The following LRP1B variants were observed in gnomAD, a reference collection of about 807,000 sequenced individuals.
LRP1B encodes LDL receptor related protein 1B.
In LRP1B, 217 loss-of-function variants were observed where a neutral mutation model predicts 556.6. The ratio of observed to expected loss-of-function variants is 0.39; its 90% CI spans 0.35 to 0.44. The LOEUF (loss-of-function observed/expected upper bound fraction) is 0.44. Among genes scored for constraint, LRP1B ranks in the 20% least tolerant of loss-of-function variants. The pLI, the probability that LRP1B is intolerant of heterozygous loss-of-function variation, is 1.00. For synonymous variants in LRP1B, 2,047 were observed against 1,865.8 expected (o/e 1.10, Z -2.50); for missense variants, 5,053 against 5,620.8 (o/e 0.90, Z 3.23).
In LRP1B at chr2:140,786,931, C is replaced by T. The variant is rs940852456; in HGVS notation, c.5360-10693G>A. Among the ~76,000 whole-genome samples the T allele has an allele frequency of 2.0e-5, 3 of 152,070 alleles. No homozygotes were observed. The East Asian group carries it at 5.8e-4, about 29-fold the overall frequency. On this transcript the variant is annotated intron_variant, in intron 32 of 90. Transcript: ENST00000389484. The stretch of plus-strand genomic sequence containing the variant: ...GAGGAGTTAGCTGACAGAAACAAGG[C>T]AGCTCTGAATGACTGCTTGCTGGGA...
chr2:140,983,288 G>T (rs897458296), intron 17 of LRP1B, among the ~76,000 whole-genome samples: 2 of 151,980 alleles, frequency 1.3e-5, no homozygotes, highest in African/African-American at 2.4e-5. Context: ...ATTGGGAAAG[G>T]GATACTCAGT....
At chr2:140,526,416 G>A in intron 47 of LRP1B, 66 bp from the exon 48 acceptor site, 2 of 1,001,318 alleles carry the variant, frequency 2.0e-6, no homozygotes, top group Non-Finnish European at 3.1e-6. Context: ...TTTACATTTT[G>A]AATATTTCAA....
intron 8 of LRP1B, among the ~76,000 whole-genome samples, chr2:141,061,314 T>C (rs981027551): frequency 1.3e-5 from 2 of 151,786 alleles, no homozygotes; most frequent in East Asian, 1.9e-4. Context: ...CTGTCTTGCA[T>C]TGCAAAAGAA....
chr2:141,499,080 C>G (rs1041732874), intron 2 of LRP1B, among the ~76,000 whole-genome samples: 2 of 152,044 alleles, frequency 1.3e-5, no homozygotes, highest in Non-Finnish European at 2.9e-5. Context: ...AGAAGAAAGG[C>G]CTTCCCTTGT....
intron 2 of LRP1B, among the ~76,000 whole-genome samples, chr2:141,563,554 A>C (rs1686234809): frequency 6.6e-6 from 1 of 152,020 alleles, no homozygotes; most frequent in Non-Finnish European, 1.5e-5. Flanking sequence ...TGACATTTTA[A>C]AATGCAAAAG....
At chr2:141,975,276 C>T (rs1198344513) in intron 1 of LRP1B, among the ~76,000 whole-genome samples, 1 of 152,008 alleles carries the variant, frequency 6.6e-6, no homozygotes, top group East Asian at 1.9e-4. Context: ...TGTAATTTGC[C>T]TTCTAAAGGA....
chr2:140,674,640 T>C (rs1685607309), intron 41 of LRP1B, among the ~76,000 whole-genome samples: 1 of 152,226 alleles, frequency 6.6e-6, no homozygotes, highest in Non-Finnish European at 1.5e-5. Flanking sequence ...TGTTGATTGA[T>C]GTCTTATGTC....
At chr2:140,302,690 T>A (rs1407513961) in intron 83 of LRP1B, among the ~76,000 whole-genome samples, 1 of 151,974 alleles carries the variant, frequency 6.6e-6, no homozygotes, top group Non-Finnish European at 1.5e-5. Context: ...AAGGCCCAAA[T>A]AGAATAAAGG....
intron 80 of LRP1B, 61 bp downstream of exon 80, chr2:140,325,701 T>C: frequency 9.1e-7 from 1 of 1,097,156 alleles, no homozygotes; most frequent in Non-Finnish European, 1.3e-6. Context: ...CTTACATTTT[T>C]GTATTAGTAT....
intron 41 of LRP1B, among the ~76,000 whole-genome samples, chr2:140,637,462 T>C (rs902393116): frequency 2.6e-5 from 4 of 152,250 alleles, no homozygotes; most frequent in African/African-American, 9.6e-5. Flanking sequence ...TTTAGAACTA[T>C]CTAATGTGTA....
At chr2:141,139,924 G>A (rs1701599681) in intron 7 of LRP1B, among the ~76,000 whole-genome samples, 2 of 151,132 alleles carry the variant, frequency 1.3e-5, no homozygotes, top group Admixed American at 1.3e-4. Context: ...TATTATAATA[G>A]AAAAAAACTT....
intron 31 of LRP1B, among the ~76,000 whole-genome samples, chr2:140,836,990 A>T (rs1405488546): frequency 6.6e-6 from 1 of 152,150 alleles, no homozygotes; most frequent in Non-Finnish European, 1.5e-5. Context: ...TTGGTTACAT[A>T]TATTTCCTCT....
At chr2:140,553,729 C>T (rs1228180082) in intron 43 of LRP1B, among the ~76,000 whole-genome samples, 7 of 152,010 alleles carry the variant, frequency 4.6e-5, no homozygotes, top group African/African-American at 7.2e-5. Context: ...AGTATAGGGA[C>T]GCCATAAGTG....
At chr2:140,583,455 C>T (rs1003314283) in intron 43 of LRP1B, among the ~76,000 whole-genome samples, 4 of 151,848 alleles carry the variant, frequency 2.6e-5, no homozygotes, top group African/African-American at 4.8e-5. Flanking sequence ...GTATTACAGG[C>T]GTGAGCCACT....
At chr2:141,764,417 C>T (rs536449358) in intron 2 of LRP1B, among the ~76,000 whole-genome samples, 4 of 152,108 alleles carry the variant, frequency 2.6e-5, no homozygotes, top group Non-Finnish European at 5.9e-5. Context: ...CTCCTGACCT[C>T]GTGATCCACC....
chr2:140,859,465 A>C (rs1481962052), intron 27 of LRP1B, among the ~76,000 whole-genome samples: 1 of 152,074 alleles, frequency 6.6e-6, no homozygotes, highest in African/African-American at 2.4e-5. Flanking sequence ...GAAAAGTTTA[A>C]TTTTCTATAG....
chr2:141,329,406 A>G (rs1341036126), intron 3 of LRP1B, among the ~76,000 whole-genome samples: 2 of 122,012 alleles, frequency 1.6e-5, no homozygotes, highest in Non-Finnish European at 3.6e-5. Flanking sequence ...AAAAAAAGGG[A>G]GGCCGAGGCT....
chr2:141,732,002 T>A (rs1693291318), intron 2 of LRP1B, among the ~76,000 whole-genome samples: 1 of 152,126 alleles, frequency 6.6e-6, no homozygotes, highest in African/African-American at 2.4e-5. Context: ...TCTCAGTATC[T>A]ATTCCCAATG....
chr2:140,969,113 T>G (rs550864949), intron 18 of LRP1B, among the ~76,000 whole-genome samples: 1 of 152,204 alleles, frequency 6.6e-6, no homozygotes, highest in Non-Finnish European at 1.5e-5. Flanking sequence ...TTGATCTGTC[T>G]AATGTTAACA....
Sources: gnomAD v4.1 joint callset for allele counts (sites outside exome capture counted in the v4.1 genomes callset) on GRCh38, gnomAD v4.1.1 for gene constraint, MANE v1.5 for transcripts, NCBI Gene and HGNC (gene_info 2026-07-23, HGNC 2026-07-21) for gene names.